Variants in ANKH observed in about 807,000 individuals in gnomAD.
ANKH encodes the protein mineralization regulator ANKH.
ANKH carries 15 observed loss-of-function variants against 49.0 expected under a neutral mutation model. That is an observed-to-expected ratio of 0.31 (90% CI 0.20 to 0.47). The LOEUF is 0.47. ANKH is among the 20% of genes least tolerant of loss of function. ANKH has a pLI of 1.00. For synonymous variants in ANKH, 273 were observed against 260.0 expected, an observed-to-expected ratio of 1.05 and a Z score of -0.48; for missense variants, 429 against 652.0, an observed-to-expected ratio of 0.66 and a Z score of 3.72.
intron 1 of ANKH, among the ~76,000 whole-genome samples, chr5:14,776,185 G>C (rs1273430490): frequency 6.6e-6 from 1 of 152,232 alleles, no homozygotes; most frequent in Non-Finnish European, 1.5e-5. Context: ...TCTGGCTTGA[G>C]TCACTGATCA....
chr5:14,726,387 G>A (rs1431655562), intron 8 of ANKH, among the ~76,000 whole-genome samples: 1 of 152,178 alleles, frequency 6.6e-6, no homozygotes, highest in Non-Finnish European at 1.5e-5. Flanking sequence ...GGATGTGAGA[G>A]CCATGGCAGG....
At chr5:14,798,364 C>A in intron 1 of ANKH, 1 of 1,563,310 alleles carries the variant, frequency 6.4e-7, no homozygotes, top group Non-Finnish European at 8.8e-7. Flanking sequence ...ACTCATTCTT[C>A]CACTGTGTTG....
In ANKH at chr5:14,800,355, G is replaced by A. The variant is rs1427271894; in HGVS notation, c.97-31164C>T. 7.2e-5 allele frequency among the ~76,000 whole-genome samples: 11 copies of A among 152,324 alleles called. No individual in the cohort carries two copies. In the East Asian group the frequency reaches 2.1e-3, roughly 29 times the overall value. The stretch of plus-strand genomic sequence containing the variant: ...GATAAAGCAAAAGCAGAGTTTGAGA[G>A]GATTGATTTCAGTTTTGAAAGAAGT... On this transcript the variant is annotated intron_variant, in intron 1 of 11. Coordinates refer to ENST00000284268, the MANE Select transcript of ANKH (RefSeq NM_054027.6).
intron 8 of ANKH, among the ~76,000 whole-genome samples, chr5:14,731,070 A>G (rs1426569360): frequency 6.6e-6 from 1 of 152,208 alleles, no homozygotes; most frequent in Admixed American, 6.5e-5. Context: ...CTGCATGGGA[A>G]GCTGGAGAGG....
chr5:14,728,247 C>T (rs1453989890), intron 8 of ANKH, among the ~76,000 whole-genome samples: 2 of 152,234 alleles, frequency 1.3e-5, no homozygotes, highest in Admixed American at 1.3e-4. Context: ...GACACAGGGC[C>T]TACAGGGACT....
At chr5:14,790,412 C>A (rs911501959) in intron 1 of ANKH, among the ~76,000 whole-genome samples, 1 of 152,160 alleles carries the variant, frequency 6.6e-6, no homozygotes, top group African/African-American at 2.4e-5. Context: ...CTTTGAAAAA[C>A]ACTCAATCCA....
chr5:14,827,183 C>T (rs960595611), intron 1 of ANKH, among the ~76,000 whole-genome samples: 1 of 152,238 alleles, frequency 6.6e-6, no homozygotes, highest in Non-Finnish European at 1.5e-5. Flanking sequence ...GTGACTCTGA[C>T]ATACTCCTGT....
At chr5:14,813,578 T>C (rs894702066) in intron 1 of ANKH, among the ~76,000 whole-genome samples, 3 of 152,134 alleles carry the variant, frequency 2.0e-5, no homozygotes, top group Non-Finnish European at 4.4e-5. Context: ...AATGTGAAGA[T>C]GATCTGTACT....
chr5:14,832,108 A>AT (rs1389509329), intron 1 of ANKH, among the ~76,000 whole-genome samples: 1 of 152,144 alleles, frequency 6.6e-6, no homozygotes, highest in Non-Finnish European at 1.5e-5. Context: ...AAGAAAAGCA[A>AT]TTTTTAATCA....
At chr5:14,734,753 C>T (rs540036571) in intron 8 of ANKH, among the ~76,000 whole-genome samples, 23 of 152,320 alleles carry the variant, frequency 1.5e-4, no homozygotes, top group African/African-American at 4.6e-4. Context: ...TGGTGGGCCC[C>T]ACGTGGGTTC....
chr5:14,714,321 C>T (rs1312839783), intron 9 of ANKH, among the ~76,000 whole-genome samples: 2 of 152,214 alleles, frequency 1.3e-5, no homozygotes, highest in African/African-American at 2.4e-5. Context: ...GCAGGAGGGC[C>T]ATGGGTGGAC....
At chr5:14,871,089 A>G in intron 1 of ANKH, 1 of 601,976 alleles carries the variant, frequency 1.7e-6, no homozygotes, top group Non-Finnish European at 3.1e-6. Context: ...GCCGTGCACT[A>G]AAAACCCTTC....
intron 1 of ANKH, among the ~76,000 whole-genome samples, chr5:14,780,934 C>T (rs879498774): frequency 1.3e-5 from 2 of 152,108 alleles, no homozygotes; most frequent in Non-Finnish European, 2.9e-5. Context: ...TGCCTTACAC[C>T]CTAAGTCGTC....
chr5:14,785,520 G>A (rs528825009), intron 1 of ANKH, among the ~76,000 whole-genome samples: 9 of 152,282 alleles, frequency 5.9e-5, no homozygotes, highest in Middle Eastern at 3.4e-3. Flanking sequence ...ACGGATGCCA[G>A]CACTATGCTT....
At chr5:14,758,239 A>C (rs1738964035) in intron 3 of ANKH, among the ~76,000 whole-genome samples, 1 of 152,240 alleles carries the variant, frequency 6.6e-6, no homozygotes, top group Non-Finnish European at 1.5e-5. Flanking sequence ...GTAGAGTTAC[A>C]AAGTAGAATG....
At chr5:14,712,255 C>T (rs941995419) in intron 11 of ANKH, among the ~76,000 whole-genome samples, 5 of 152,356 alleles carry the variant, frequency 3.3e-5, no homozygotes, top group African/African-American at 1.2e-4. Flanking sequence ...CTGGCCGTCA[C>T]TCTGCTGCCC....
At chr5:14,756,216 C>G (rs1222969455) in intron 3 of ANKH, among the ~76,000 whole-genome samples, 1 of 152,122 alleles carries the variant, frequency 6.6e-6, no homozygotes, top group Non-Finnish European at 1.5e-5. Context: ...GTTTGTATGC[C>G]TGGCAGGAAA....
chr5:14,804,116 G>A (rs1393420245), intron 1 of ANKH, among the ~76,000 whole-genome samples: 5 of 151,966 alleles, frequency 3.3e-5, no homozygotes, highest in African/African-American at 1.2e-4. Flanking sequence ...GGCTGGTCTC[G>A]AACTTCTGAC....
At chr5:14,749,141 A>C in intron 6 of ANKH, 31 bp downstream of exon 6, 2 of 1,613,904 alleles carry the variant, frequency 1.2e-6, no homozygotes, top group Middle Eastern at 3.3e-4. Flanking sequence ...CAAGGTGATC[A>C]TAAGCCCCAC....
Sources: allele counts gnomAD v4.1 joint callset (sites outside exome capture counted in the v4.1 genomes callset), GRCh38; gene constraint gnomAD v4.1.1; transcripts MANE v1.5; gene names NCBI Gene and HGNC (gene_info 2026-07-23, HGNC 2026-07-21).